Variants in KIF26B observed in about 807,000 individuals in gnomAD.
The protein encoded by KIF26B is kinesin-like protein KIF26B.
In KIF26B, 63 loss-of-function variants were observed where a neutral mutation model predicts 151.2. The ratio of observed to expected loss-of-function variants is 0.42; its 90% CI spans 0.34 to 0.51. The LOEUF (loss-of-function observed/expected upper bound fraction) is 0.51, where lower values mean the gene tolerates loss of function less well. Ranked by LOEUF, KIF26B falls within the 20% of genes least tolerant of loss-of-function variation. KIF26B has a pLI of 0.07. For missense variants in KIF26B, 2,813 were observed against 2,913.6 expected (o/e 0.97, Z 0.79); for synonymous variants, 1,357 against 1,262.1 (o/e 1.08, Z -1.59).
At chr1:245,620,392 C>T (rs889415004) in intron 9 of KIF26B, among the ~76,000 whole-genome samples, 1 of 147,654 alleles carries the variant, frequency 6.8e-6, no homozygotes, top group Admixed American at 6.9e-5. Context: ...CAAAATTCAA[C>T]ATCGTTAAAA....
chr1:245,207,340 C>G (rs977899107), intron 2 of KIF26B, among the ~76,000 whole-genome samples: 2 of 152,190 alleles, frequency 1.3e-5, no homozygotes, highest in African/African-American at 4.8e-5. Flanking sequence ...GCAGCTTGTC[C>G]TTACTGCTGT....
At chr1:245,459,949 A>T (rs1444716329) in intron 4 of KIF26B, among the ~76,000 whole-genome samples, 1 of 151,934 alleles carries the variant, frequency 6.6e-6, no homozygotes, top group Non-Finnish European at 1.5e-5. Context: ...AAGTCAAGAA[A>T]GGCTCTAGAT....
intron 2 of KIF26B, among the ~76,000 whole-genome samples, chr1:245,353,229 T>C (rs1672609404): frequency 1.3e-5 from 2 of 152,176 alleles, no homozygotes; most frequent in African/African-American, 4.8e-5. Flanking sequence ...AGAGGGGTCC[T>C]GGTTTACTCA....
chr1:245,468,675 TAGAG>T (rs112739819), intron 4 of KIF26B, among the ~76,000 whole-genome samples: 24 of 148,226 alleles, frequency 1.6e-4, no homozygotes, highest in East Asian at 5.9e-4. Flanking sequence ...ACTTACATCT[TAGAG>T]AGAGAGAGAG....
At chr1:245,201,320 C>A (rs1285520595) in intron 2 of KIF26B, among the ~76,000 whole-genome samples, 2 of 152,154 alleles carry the variant, frequency 1.3e-5, no homozygotes, top group East Asian at 3.8e-4. Flanking sequence ...ATAAAATAAT[C>A]CTGATCATGG....
At chr1:245,642,224 A>G (rs940416440) in intron 9 of KIF26B, among the ~76,000 whole-genome samples, 2 of 152,152 alleles carry the variant, frequency 1.3e-5, no homozygotes, top group African/African-American at 2.4e-5. Flanking sequence ...TGTGTCCCCA[A>G]CTATAGCAAG....
intron 5 of KIF26B, among the ~76,000 whole-genome samples, chr1:245,590,570 G>C (rs1290800026): frequency 1.3e-4 from 20 of 152,156 alleles, no homozygotes; most frequent in Non-Finnish European, 2.9e-5. Flanking sequence ...GCAGAAGAGC[G>C]TGGTGGAAGT....
At chr1:245,616,092 C>A (rs1330820504) in intron 9 of KIF26B, among the ~76,000 whole-genome samples, 2 of 152,202 alleles carry the variant, frequency 1.3e-5, no homozygotes, top group African/African-American at 4.8e-5. Flanking sequence ...ATTTTACACA[C>A]AAATGCATCT....
At chr1:245,590,469 G>C (rs2043276152) in intron 5 of KIF26B, among the ~76,000 whole-genome samples, 1 of 152,184 alleles carries the variant, frequency 6.6e-6, no homozygotes, top group Non-Finnish European at 1.5e-5. Flanking sequence ...CTTTCCAATG[G>C]ATATTTACCA....
chr1:245,521,319 T>C (rs1419201033), intron 4 of KIF26B, among the ~76,000 whole-genome samples: 28 of 148,884 alleles, frequency 1.9e-4, no homozygotes, highest in African/African-American at 3.5e-4. Context: ...CCAGCCTGAG[T>C]GACAGAGCGA....
intron 2 of KIF26B, among the ~76,000 whole-genome samples, chr1:245,207,450 A>G (rs757271916): frequency 6.6e-6 from 1 of 152,218 alleles, no homozygotes; most frequent in African/African-American, 2.4e-5. Context: ...CCACAGCAGG[A>G]GGGGTAAATT....
At chr1:245,198,767 A>G (rs1669236211) in intron 2 of KIF26B, among the ~76,000 whole-genome samples, 1 of 151,434 alleles carries the variant, frequency 6.6e-6, no homozygotes, top group Non-Finnish European at 1.5e-5. Flanking sequence ...AAATGTTGTT[A>G]TTTACAGTCA....
intron 2 of KIF26B, among the ~76,000 whole-genome samples, chr1:245,271,781 C>T (rs1160098343): frequency 1.3e-5 from 2 of 151,916 alleles, no homozygotes; most frequent in Non-Finnish European, 2.9e-5. Flanking sequence ...ATTTGTGTAT[C>T]TGTATTCATC....
intron 4 of KIF26B, among the ~76,000 whole-genome samples, chr1:245,515,992 G>A (rs1318591948): frequency 1.3e-5 from 2 of 152,160 alleles, no homozygotes; most frequent in African/African-American, 4.8e-5. Context: ...ATCTGACAAA[G>A]CTGGGTTTGG....
chr1:245,404,223 T>TA (rs936584706), intron 3 of KIF26B, among the ~76,000 whole-genome samples: 5 of 149,844 alleles, frequency 3.3e-5, no homozygotes, highest in Non-Finnish European at 7.4e-5. Context: ...TTTTTTTTTT[T>TA]TATAAAGCGT....
intron 3 of KIF26B, among the ~76,000 whole-genome samples, chr1:245,380,897 T>C (rs1327100857): frequency 2.3e-5 from 3 of 130,094 alleles, no homozygotes; most frequent in Admixed American, 8.3e-5. Context: ...ATCTCCTCCC[T>C]GGGAGGTGGG....
At chr1:245,204,792 T>C (rs1484151826) in intron 2 of KIF26B, among the ~76,000 whole-genome samples, 1 of 152,090 alleles carries the variant, frequency 6.6e-6, no homozygotes, top group African/African-American at 2.4e-5. Context: ...ATTTTTTTTT[T>C]CTTTAAGAGA....
chr1:245,233,569 A>T (rs1369304887), intron 2 of KIF26B, among the ~76,000 whole-genome samples: 1 of 152,184 alleles, frequency 6.6e-6, no homozygotes, highest in Non-Finnish European at 1.5e-5. Flanking sequence ...AAGTGTGAGA[A>T]ACACTGCAGA....
intron 5 of KIF26B, among the ~76,000 whole-genome samples, chr1:245,591,111 A>G (rs2043285213): frequency 6.6e-6 from 1 of 151,776 alleles, no homozygotes; most frequent in African/African-American, 2.4e-5. Context: ...TATGTTGGCA[A>G]TTATTATTTA....
Sources: allele counts gnomAD v4.1 joint callset (sites outside exome capture counted in the v4.1 genomes callset), GRCh38; gene constraint gnomAD v4.1.1; transcripts MANE v1.5; gene names NCBI Gene and HGNC (gene_info 2026-07-23, HGNC 2026-07-21).